Variants in RAP1A observed in about 807,000 individuals in gnomAD.
RAP1A encodes the protein RAP1A, member of RAS oncogene family.
A neutral mutation model predicts 26.4 loss-of-function variants in RAP1A; 6 were observed. That is an observed-to-expected ratio of 0.23 (90% CI 0.12 to 0.45). The LOEUF (loss-of-function observed/expected upper bound fraction) is 0.45, where lower values mean the gene tolerates loss of function less well. Ranked by LOEUF, RAP1A falls within the 20% of genes least tolerant of loss-of-function variation. RAP1A has a pLI of 0.99. For missense variants in RAP1A, 121 were observed against 217.2 expected (o/e 0.56, Z 2.78); for synonymous variants, 73 against 79.4 (o/e 0.92, Z 0.43).
chr1:111,605,278 C>A (rs939122496), intron 1 of RAP1A, among the ~76,000 whole-genome samples: 1 of 152,144 alleles, frequency 6.6e-6, no homozygotes, highest in Non-Finnish European at 1.5e-5. Flanking sequence ...ACCAAATAAA[C>A]GTACATATGT....
At chr1:111,671,102 G>T (rs1042490238) in intron 1 of RAP1A, among the ~76,000 whole-genome samples, 1 of 152,140 alleles carries the variant, frequency 6.6e-6, no homozygotes, top group East Asian at 1.9e-4. Flanking sequence ...AATACATAAG[G>T]AAGATGAGGG....
At chr1:111,625,196 G>A (rs1033211591) in intron 1 of RAP1A, among the ~76,000 whole-genome samples, 2 of 152,132 alleles carry the variant, frequency 1.3e-5, no homozygotes, top group Admixed American at 6.5e-5. Flanking sequence ...AGGTGTATAC[G>A]CCTATAACAT....
chr1:111,613,288 C>T (rs1170453903), intron 1 of RAP1A, among the ~76,000 whole-genome samples: 1 of 152,122 alleles, frequency 6.6e-6, no homozygotes, highest in Non-Finnish European at 1.5e-5. Flanking sequence ...CAAGCTCCGC[C>T]TCCCAGGTTC....
chr1:111,616,279 C>T (rs750939690), upstream of RAP1A, among the ~76,000 whole-genome samples: 15 of 152,216 alleles, frequency 9.9e-5, no homozygotes, highest in Non-Finnish European at 1.9e-4. Flanking sequence ...TTATCTCCTC[C>T]TGCACTCAGT....
chr1:111,694,393 C>T (rs1661767265), intron 2 of RAP1A, among the ~76,000 whole-genome samples: 1 of 152,170 alleles, frequency 6.6e-6, no homozygotes, highest in Admixed American at 6.5e-5. Flanking sequence ...AAATATTCCT[C>T]TGAGTAATTT....
At chr1:111,567,355 G>A (rs1036895310) in intron 1 of RAP1A, among the ~76,000 whole-genome samples, 1 of 152,152 alleles carries the variant, frequency 6.6e-6, no homozygotes, top group Non-Finnish European at 1.5e-5. Context: ...ATAATATTTT[G>A]TGCCCCATGA....
chr1:111,611,919 T>G (rs1557865193), intron 1 of RAP1A, among the ~76,000 whole-genome samples: 1 of 152,206 alleles, frequency 6.6e-6, no homozygotes, highest in Non-Finnish European at 1.5e-5. Context: ...TTTTATTTGC[T>G]AAATCTAGCA....
chr1:111,596,914 G>A (rs1270765174), intron 1 of RAP1A, among the ~76,000 whole-genome samples: 1 of 152,164 alleles, frequency 6.6e-6, no homozygotes, highest in African/African-American at 2.4e-5. Context: ...TGGGGTTAGG[G>A]GGTCATAAAC....
At chr1:111,552,743 C>G (rs1213383514) in intron 1 of RAP1A, among the ~76,000 whole-genome samples, 1 of 152,148 alleles carries the variant, frequency 6.6e-6, no homozygotes, top group Non-Finnish European at 1.5e-5. Flanking sequence ...CTACCACTTC[C>G]TACATGCATG....
chr1:111,670,030 TGAA>T (rs1660924497), intron 1 of RAP1A, among the ~76,000 whole-genome samples: 1 of 152,104 alleles, frequency 6.6e-6, no homozygotes, highest in Non-Finnish European at 1.5e-5. Context: ...AAAATATCCT[TGAA>T]GAGTGAAGCA....
chr1:111,547,607 G>A (rs902186307), intron 1 of RAP1A, among the ~76,000 whole-genome samples: 14 of 152,146 alleles, frequency 9.2e-5, no homozygotes, highest in Admixed American at 5.2e-4. Context: ...GAAATCTGAC[G>A]TCAATGCCAT....
rs1239084819 is a variant in RAP1A at position 111,713,963 on chromosome 1, A to G, written c.*1562A>G. The G allele has an allele frequency of 2.6e-5, 4 of 152,216 alleles. No homozygotes were observed. Among genetic ancestry groups the G allele is most frequent in the Non-Finnish European group, 5.9e-5 (4 of 68,038 alleles). 9.4% of individuals were successfully genotyped at this position (152,216 alleles called of 1,614,324 possible). On this transcript the variant is annotated 3_prime_UTR_variant, in exon 8 of 8. Transcript: ENST00000369709. The stretch of plus-strand genomic sequence containing the variant: ...TCTAAGTCATTGCTCAGGGATCTCT[A>G]GATACTGTCTCTTTGCAACTAGGTA...
chr1:111,573,409 A>G (rs1658086290), intron 1 of RAP1A, among the ~76,000 whole-genome samples: 1 of 152,028 alleles, frequency 6.6e-6, no homozygotes, highest in Non-Finnish European at 1.5e-5. Context: ...GTTATTTTTT[A>G]ACTTTTTTTT....
At chr1:111,608,962 A>G (rs1239980298) in intron 1 of RAP1A, among the ~76,000 whole-genome samples, 1 of 152,198 alleles carries the variant, frequency 6.6e-6, no homozygotes, top group Non-Finnish European at 1.5e-5. Context: ...CTTGCACTAG[A>G]CTTACAGTGC....
chr1:111,690,133 A>G (rs1661624281), intron 1 of RAP1A, among the ~76,000 whole-genome samples: 2 of 151,820 alleles, frequency 1.3e-5, no homozygotes, highest in South Asian at 2.1e-4. Flanking sequence ...ACGTGGATCA[A>G]CTCCATCCTT....
intron 1 of RAP1A, among the ~76,000 whole-genome samples, chr1:111,545,753 G>A (rs1258727887): frequency 1.3e-5 from 2 of 152,086 alleles, no homozygotes; most frequent in Non-Finnish European, 2.9e-5. Flanking sequence ...TGTTATTTTA[G>A]CTCTTATAGT....
chr1:111,675,090 CT>C (rs1297654906), intron 1 of RAP1A, among the ~76,000 whole-genome samples: 2 of 152,132 alleles, frequency 1.3e-5, no homozygotes, highest in Non-Finnish European at 2.9e-5. Context: ...TTTGCTTAAG[CT>C]GTTTCCTTTG....
chr1:111,665,707 T>C (rs922154359), intron 1 of RAP1A, among the ~76,000 whole-genome samples: 2 of 152,186 alleles, frequency 1.3e-5, no homozygotes, highest in African/African-American at 4.8e-5. Flanking sequence ...ATTCACTGTT[T>C]TTTGACAGCT....
intron 1 of RAP1A, among the ~76,000 whole-genome samples, chr1:111,569,242 A>T (rs566936969): frequency 6.6e-6 from 1 of 152,122 alleles, no homozygotes; most frequent in East Asian, 1.9e-4. Context: ...CTCTACTAAA[A>T]ATACAAAAAT....
Sources: gnomAD v4.1 joint callset for allele counts (sites outside exome capture counted in the v4.1 genomes callset) on GRCh38, gnomAD v4.1.1 for gene constraint, MANE v1.5 for transcripts, NCBI Gene and HGNC (gene_info 2026-07-23, HGNC 2026-07-21) for gene names.